Variants in BMP2K observed in about 807,000 individuals in gnomAD.
The protein encoded by BMP2K is BMP2 inducible kinase, also known as BMP-2-inducible protein kinase.
A neutral mutation model predicts 116.0 loss-of-function variants in BMP2K; 74 were observed. That is an observed-to-expected ratio of 0.64 (90% CI 0.53 to 0.77). The LOEUF (loss-of-function observed/expected upper bound fraction) is 0.77. Ranked by LOEUF, BMP2K falls within the 30% of genes least tolerant of loss-of-function variation. The pLI is 0.00. For synonymous variants in BMP2K, 486 were observed against 502.5 expected (o/e 0.97, Z 0.44); for missense variants, 1,365 against 1,403.6 (o/e 0.97, Z 0.44).
intron 15 of BMP2K, among the ~76,000 whole-genome samples, chr4:78,894,508 C>A (rs1326186869): frequency 1.3e-5 from 2 of 152,210 alleles, no homozygotes; most frequent in Non-Finnish European, 2.9e-5. Flanking sequence ...CTGCAGGTTT[C>A]TCACTTCACT....
intron 15 of BMP2K, among the ~76,000 whole-genome samples, chr4:78,887,846 G>T (rs1461020960): frequency 6.6e-6 from 1 of 152,184 alleles, no homozygotes; most frequent in Non-Finnish European, 1.5e-5. Flanking sequence ...GAATTTTCAT[G>T]TATGTATGGT....
In BMP2K at chr4:78,911,360, A is replaced by G. The variant is rs1734588030; in HGVS notation, c.2813A>G (p.Gln938Arg). The G allele has an allele frequency of 6.2e-7, 1 of 1,613,866 alleles. No homozygotes were observed. Among genetic ancestry groups the G allele is most frequent in the African/African-American group, 1.3e-5 (1 of 74,948 alleles). Residue 938 changes from glutamine to arginine, a missense_variant, in exon 16 of 16, where the codon CAG becomes CGG. Gln to Arg is a conservative substitution (Grantham distance 43). Around this residue, in one of 3 missense-constraint regions of BMP2K, gnomAD observed 596 missense variants for 623.2 expected, o/e 0.96. Transcript: ENST00000502613. ...SVDVFGSTPF[Q>R]PFLTSTSKSE... The stretch of plus-strand genomic sequence containing the variant: ...GATGTATTTGGCTCCACTCCATTTC[A>G]GCCCTTCCTCACATCAACAAGTAAA...
At chr4:78,899,512 G>T in intron 15 of BMP2K, among the ~76,000 whole-genome samples, 1 of 152,130 alleles carries the variant, frequency 6.6e-6, no homozygotes. Context: ...GTTCATGCCA[G>T]TTAGAAGAGA....
At chr4:78,842,607 A>G (rs1730814437) in intron 4 of BMP2K, 80 bp downstream of exon 4, 6 of 1,343,848 alleles carry the variant, frequency 4.5e-6, no homozygotes, top group Non-Finnish European at 5.9e-6. Context: ...CTAAATCAGT[A>G]TAAAAACTGG....
At chr4:78,887,734 T>C (rs1314936639) in intron 15 of BMP2K, among the ~76,000 whole-genome samples, 1 of 152,190 alleles carries the variant, frequency 6.6e-6, no homozygotes, top group African/African-American at 2.4e-5. Context: ...AATTCAAATA[T>C]TGATGTTTTT....
chr4:78,886,986 G>T, intron 14 of BMP2K, 188 bp from the exon 15 acceptor site: 2 of 483,168 alleles, frequency 4.1e-6, no homozygotes, highest in Middle Eastern at 5.4e-4. Flanking sequence ...ATTTGCTTTT[G>T]CAGCAACAAA....
At chr4:78,780,080 G>A (rs1327773057) in intron 1 of BMP2K, among the ~76,000 whole-genome samples, 1 of 152,158 alleles carries the variant, frequency 6.6e-6, no homozygotes. Context: ...CTAAAACCTG[G>A]GGTTGGCTTG....
intron 3 of BMP2K, among the ~76,000 whole-genome samples, chr4:78,836,823 T>A (rs899740052): frequency 7.9e-5 from 12 of 152,256 alleles, no homozygotes; most frequent in Non-Finnish European, 1.8e-4. Flanking sequence ...CACTTTTTTC[T>A]TAGTGTTGTT....
chr4:78,860,130 A>C, intron 8 of BMP2K: 1 of 493,202 alleles, frequency 2.0e-6, no homozygotes, highest in East Asian at 5.5e-5. Flanking sequence ...TTAAGTGGGA[A>C]CTAAACAATG....
At chr4:78,869,448 A>T (rs956480343) in intron 10 of BMP2K, among the ~76,000 whole-genome samples, 1 of 152,220 alleles carries the variant, frequency 6.6e-6, no homozygotes, top group Non-Finnish European at 1.5e-5. Flanking sequence ...AAATCCTAGC[A>T]TTCTATACCA....
At chr4:78,823,554 A>G (rs1729733282) in intron 1 of BMP2K, among the ~76,000 whole-genome samples, 1 of 147,550 alleles carries the variant, frequency 6.8e-6, no homozygotes, top group Admixed American at 6.8e-5. Context: ...ATATAGTTAT[A>G]TATAGTTATA....
intron 1 of BMP2K, among the ~76,000 whole-genome samples, chr4:78,801,344 C>CTGTGTGTG (rs112302359): frequency 3.9e-4 from 56 of 143,298 alleles, no homozygotes; most frequent in Non-Finnish European, 6.6e-4. Flanking sequence ...GTTGAAGTAG[C>CTGTGTGTG]TGTGTGTGTG....
intron 3 of BMP2K, among the ~76,000 whole-genome samples, chr4:78,841,156 C>A (rs758446587): frequency 6.6e-6 from 1 of 152,032 alleles, no homozygotes; most frequent in Non-Finnish European, 1.5e-5. Context: ...GAAAAATATT[C>A]TCAGAAAAGA....
intron 6 of BMP2K, among the ~76,000 whole-genome samples, chr4:78,848,441 G>A (rs551624697): frequency 1.3e-5 from 2 of 151,422 alleles, no homozygotes; most frequent in Admixed American, 6.6e-5. Context: ...AAATCAAGGT[G>A]TTAGAAGAGG....
chr4:78,792,193 A>G (rs933068788), intron 1 of BMP2K, among the ~76,000 whole-genome samples: 2 of 152,188 alleles, frequency 1.3e-5, no homozygotes, highest in African/African-American at 4.8e-5. Flanking sequence ...GAAAATCACA[A>G]TATTGTTATA....
chr4:78,844,256 T>C (rs1425347751), intron 4 of BMP2K, among the ~76,000 whole-genome samples: 1 of 151,758 alleles, frequency 6.6e-6, no homozygotes, highest in Non-Finnish European at 1.5e-5. Context: ...TGCACATGAA[T>C]GGTTAAGCAG....
intron 1 of BMP2K, among the ~76,000 whole-genome samples, chr4:78,818,453 A>T (rs192933629): frequency 6.6e-6 from 1 of 152,194 alleles, no homozygotes; most frequent in South Asian, 2.1e-4. Flanking sequence ...AATGATCGCC[A>T]TTCTGACTGG....
chr4:78,849,874 G>A (rs980823123), intron 6 of BMP2K, among the ~76,000 whole-genome samples: 9 of 151,662 alleles, frequency 5.9e-5, no homozygotes, highest in Admixed American at 1.3e-4. Context: ...CTCACCAAGA[G>A]TGTTTAGGTC....
chr4:78,780,606 G>A (rs1046297069), intron 1 of BMP2K, among the ~76,000 whole-genome samples: 2 of 152,116 alleles, frequency 1.3e-5, no homozygotes, highest in African/African-American at 2.4e-5. Context: ...TTCACATTCC[G>A]AAGAGAAGAT....
Sources: gnomAD v4.1 joint callset for allele counts (sites outside exome capture counted in the v4.1 genomes callset) on GRCh38, gnomAD v4.1.1 for gene constraint, gnomAD v4.1.1 regional missense constraint, MANE v1.5 for transcripts, NCBI Gene and HGNC (gene_info 2026-07-23, HGNC 2026-07-21) for gene names.